Variants in SNX29 observed in about 807,000 individuals in gnomAD.
SNX29 encodes sorting nexin-29.
Under a neutral mutation model 102.1 loss-of-function variants are expected in SNX29, and 78 were observed. The observed-to-expected ratio is 0.76, with a 90% CI of 0.64 to 0.92. The LOEUF is 0.92. SNX29 is among the 40% of genes least tolerant of loss of function. The pLI is 0.00. For synonymous variants in SNX29, 580 were observed against 414.5 expected (o/e 1.40, Z -4.85); for missense variants, 1,280 against 1,061.7 (o/e 1.21, Z -2.86).
At chr16:12,356,657 C>T (rs1385785634) in intron 16 of SNX29, among the ~76,000 whole-genome samples, 1 of 152,040 alleles carries the variant, frequency 6.6e-6, no homozygotes, top group Non-Finnish European at 1.5e-5. Flanking sequence ...ATCTGTTTGC[C>T]ACTTGTTTTT....
chr16:12,470,344 C>G (rs897722469), intron 18 of SNX29, among the ~76,000 whole-genome samples: 1 of 152,188 alleles, frequency 6.6e-6, no homozygotes, highest in African/African-American at 2.4e-5. Context: ...TGAGTTCTCA[C>G]CGCCTTCATG....
At chr16:12,490,572 T>C (rs2088496331) in intron 19 of SNX29, among the ~76,000 whole-genome samples, 1 of 152,242 alleles carries the variant, frequency 6.6e-6, no homozygotes, top group Non-Finnish European at 1.5e-5. Context: ...TCCTTAGGAA[T>C]GGACTTGCTG....
intron 13 of SNX29, among the ~76,000 whole-genome samples, chr16:12,148,945 AC>A (rs899491835): frequency 6.6e-6 from 1 of 151,962 alleles, no homozygotes; most frequent in Non-Finnish European, 1.5e-5. Flanking sequence ...CAGGTGATCC[AC>A]CTGCCTCAGC....
At position 12,571,470 on chromosome 16, in the gene SNX29, T is replaced by TC. The variant is rs1021357859; in HGVS notation, c.*2845dup. The TC allele has an allele frequency of 7.8e-6, 2 of 257,102 alleles. No homozygotes were observed. Among genetic ancestry groups the TC allele is most frequent in the African/African-American group, 2.2e-5 (1 of 45,600 alleles). The allele number at this position is 257,102 out of a possible 1,614,324, so 15.9% of individuals were successfully genotyped here. ...ACAACATCTGAGAACAGAAGCCCCC[T>TC]CCCCTACTCAGAGAGGAACGAGGGT... On this transcript the variant is annotated 3_prime_UTR_variant, in exon 21 of 21. Transcript: ENST00000566228.
At position 12,225,329 on chromosome 16, in the gene SNX29, A is replaced by G. The variant is rs546792617; in HGVS notation, c.1678+25646A>G. Reference sequence around the variant, plus strand: ...CCATCCAAATCTCATCTTGGATTGTAACTCCCACAAGTCCCACGTGTTGTG... The same window carrying G: ...CCATCCAAATCTCATCTTGGATTGTGACTCCCACAAGTCCCACGTGTTGTG... On this transcript the variant is annotated intron_variant, in intron 14 of 20. Transcript: ENST00000566228. 7.2e-5 allele frequency among the ~76,000 whole-genome samples: 11 copies of G among 152,162 alleles called. No homozygotes were observed. The South Asian group carries it at 2.3e-3, about 32-fold the overall frequency.
At chr16:12,363,010 C>T (rs531115838) in intron 16 of SNX29, among the ~76,000 whole-genome samples, 48 of 152,316 alleles carry the variant, frequency 3.2e-4, no homozygotes, top group African/African-American at 1.1e-3. Context: ...GCTCCCTCTG[C>T]CCAAGTCTGA....
chr16:12,346,708 T>C (rs987123530), intron 15 of SNX29, among the ~76,000 whole-genome samples: 1 of 152,192 alleles, frequency 6.6e-6, no homozygotes, highest in African/African-American at 2.4e-5. Context: ...TTTGCTTTCT[T>C]TCCCCTGTCA....
chr16:12,109,762 G>A (rs568619694), intron 11 of SNX29, among the ~76,000 whole-genome samples: 14 of 151,242 alleles, frequency 9.3e-5, no homozygotes, highest in East Asian at 3.9e-4. Flanking sequence ...ACGGAATCCC[G>A]CTCTGTCACC....
chr16:12,086,497 A>G (rs1489284811), intron 11 of SNX29, among the ~76,000 whole-genome samples: 1 of 150,678 alleles, frequency 6.6e-6, no homozygotes, highest in Non-Finnish European at 1.5e-5. Context: ...TGCAGCCTTG[A>G]ACTCCTGGGC....
At chr16:12,558,279 C>T (rs922933202) in intron 20 of SNX29, among the ~76,000 whole-genome samples, 10 of 152,230 alleles carry the variant, frequency 6.6e-5, no homozygotes, top group African/African-American at 2.2e-4. Context: ...TCAGGCTGAG[C>T]CAGCTCTGAA....
intron 20 of SNX29, among the ~76,000 whole-genome samples, chr16:12,537,696 C>G (rs530605695): frequency 2.6e-5 from 4 of 152,272 alleles, no homozygotes; most frequent in South Asian, 4.1e-4. Context: ...GCATCTGAAA[C>G]TTCACTTTGG....
At chr16:12,556,050 A>G in intron 20 of SNX29, among the ~76,000 whole-genome samples, 1 of 151,822 alleles carries the variant, frequency 6.6e-6, no homozygotes, top group South Asian at 2.1e-4. Context: ...AGTGACGCTT[A>G]AAGGGTGCTT....
chr16:12,287,345 G>GGCAGGCTGTATCTC (rs2079632586), intron 15 of SNX29, among the ~76,000 whole-genome samples: 1 of 152,202 alleles, frequency 6.6e-6, no homozygotes, highest in South Asian at 2.1e-4. Flanking sequence ...AGGAAGAGGA[G>GGCAGGCTGTATCTC]GCAGGCTGTA....
chr16:12,177,941 C>T (rs1468390119), intron 13 of SNX29, among the ~76,000 whole-genome samples: 3 of 152,182 alleles, frequency 2.0e-5, no homozygotes, highest in African/African-American at 7.2e-5. Flanking sequence ...TTTTTGGCAT[C>T]TGTTTTTTGT....
Position 12,570,186 on chromosome 16 carries a change from G to C in SNX29, c.*1557G>C. 9.4e-7 allele frequency: 1 copy of C among 1,065,360 alleles called. No individual in the cohort carries two copies. Among genetic ancestry groups the C allele is most frequent in the Non-Finnish European group, 1.1e-6 (1 of 879,172 alleles). The allele number at this position is 1,065,360 out of a possible 1,614,324, so 66.0% of individuals were successfully genotyped here. A position where few individuals can be genotyped will look rare whatever the true frequency, so the allele number is the denominator to read the frequency against. On this transcript the variant is annotated 3_prime_UTR_variant, in exon 21 of 21. Coordinates refer to ENST00000566228, the MANE Select transcript of SNX29 (RefSeq NM_032167.5). ...CCCCCACCCCAGAGAAACCGAGTCA[G>C]CCTACATGACTTCCAAGGGGACCTG...
At chr16:12,507,680 C>G (rs1258830842) in intron 19 of SNX29, among the ~76,000 whole-genome samples, 1 of 152,096 alleles carries the variant, frequency 6.6e-6, no homozygotes, top group Non-Finnish European at 1.5e-5. Context: ...CTTTTTCGGC[C>G]CTGATTTTTT....
intron 14 of SNX29, among the ~76,000 whole-genome samples, chr16:12,244,211 A>G (rs909339225): frequency 5.9e-5 from 9 of 152,202 alleles, no homozygotes; most frequent in African/African-American, 1.7e-4. Flanking sequence ...ACAGGCCACA[A>G]CCATTACAGG....
At chr16:12,548,239 C>T (rs1451722257) in intron 20 of SNX29, among the ~76,000 whole-genome samples, 3 of 152,218 alleles carry the variant, frequency 2.0e-5, no homozygotes, top group African/African-American at 7.2e-5. Context: ...TGTTAGGTTA[C>T]ATTTCCTTCC....
intron 14 of SNX29, among the ~76,000 whole-genome samples, chr16:12,242,390 A>G (rs2078133785): frequency 7.0e-6 from 1 of 143,542 alleles, no homozygotes; most frequent in Non-Finnish European, 1.5e-5. Context: ...TTTTAAGAAG[A>G]GGAGTTACAT....
Sources: allele counts gnomAD v4.1 joint callset (sites outside exome capture counted in the v4.1 genomes callset), GRCh38; gene constraint gnomAD v4.1.1; transcripts MANE v1.5; gene names NCBI Gene and HGNC (gene_info 2026-07-23, HGNC 2026-07-21).